SPP2: variants seen among roughly 807,000 people sequenced by gnomAD.
The protein encoded by SPP2 is secreted phosphoprotein 2.
In SPP2, 34 loss-of-function variants were observed where a neutral mutation model predicts 28.8. That is an observed-to-expected ratio of 1.18 (90% confidence interval 0.90 to 1.57). The LOEUF (loss-of-function observed/expected upper bound fraction) is 1.57. Among genes scored for constraint, SPP2 ranks in the 40% most tolerant of loss-of-function variants. The pLI, the probability that SPP2 is intolerant of heterozygous loss-of-function variation, is 0.00. For missense variants in SPP2, 269 were observed against 263.9 expected, an observed-to-expected ratio of 1.02 and a Z score of -0.13; for synonymous variants, 96 against 89.4, an observed-to-expected ratio of 1.07 and a Z score of -0.42.
rs935582183 is a variant in SPP2 at position 234,053,821 on chromosome 2, A to G, written c.210+2726A>G. Among the ~76,000 whole-genome samples the G allele has an allele frequency of 7.3e-5, 11 of 151,298 alleles. No homozygotes were observed. In the East Asian group the frequency reaches 2.2e-3, roughly 30 times the overall value. ...GAAAGGAAAGGTGGGCATTGGCCCT[A>G]TGCTGGGCCCTATGCTGGGGAGGGG... On this transcript the variant is annotated intron_variant, in intron 2 of 7. Coordinates refer to ENST00000168148, the MANE Select transcript of SPP2 (RefSeq NM_006944.3).
intron 1 of SPP2, 35 bp downstream of exon 1, chr2:234,050,906 A>G: frequency 6.2e-7 from 1 of 1,614,010 alleles, no homozygotes; most frequent in Non-Finnish European, 8.5e-7. Context: ...CCTGCTCTGG[A>G]TCATGCAGAG....
At chr2:234,052,143 C>CT (rs368594043) in intron 2 of SPP2, among the ~76,000 whole-genome samples, 1 of 151,904 alleles carries the variant, frequency 6.6e-6, no homozygotes, top group African/African-American at 2.4e-5. Flanking sequence ...ATGGGCTATG[C>CT]TTTTTTTTAG....
In SPP2 at chr2:234,050,853, A is replaced by G; in HGVS notation, c.67A>G (p.Asn23Asp). Residue 23 changes from asparagine (N) to aspartate (D), a missense_variant, in exon 1 of 8, where the codon AAC becomes GAC. Asn to Asp is a conservative substitution (Grantham distance 23, BLOSUM62 1). Coordinates refer to ENST00000168148, the MANE Select transcript of SPP2 (RefSeq NM_006944.3). Reference protein sequence around the residue: ...KILIMFALGMNYWSCSGFPVY... With the variant: ...KILIMFALGMDYWSCSGFPVY... ...ATTGATTATGTTTGCTCTTGGAATG[A>G]ACTACTGGTCTTGCTCAGGTAAGGT... is the stretch of plus-strand genomic sequence containing the variant. 1 of 1,614,048 alleles carries G rather than the reference A, an allele frequency of 6.2e-7. No individual in the cohort carries two copies. Among genetic ancestry groups the G allele is most frequent in the African/African-American group, 1.3e-5 (1 of 75,044 alleles).
chr2:234,057,928 G>A (rs1042620401), intron 2 of SPP2, among the ~76,000 whole-genome samples: 4 of 152,180 alleles, frequency 2.6e-5, no homozygotes, highest in Admixed American at 1.3e-4. Context: ...CTTCTTACTT[G>A]TAGTAGTTAT....
chr2:234,064,059 C>T (rs1335562097), intron 4 of SPP2, among the ~76,000 whole-genome samples: 1 of 152,136 alleles, frequency 6.6e-6, no homozygotes, highest in African/African-American at 2.4e-5. Flanking sequence ...GACTTAGAGT[C>T]CTTCAGTCCT....
At chr2:234,060,348 T>A (rs752180018) in intron 3 of SPP2, 21 bp from the exon 4 acceptor site, 2 of 1,571,862 alleles carry the variant, frequency 1.3e-6, no homozygotes, top group Non-Finnish European at 1.8e-6. Context: ...AAGAGAGAAC[T>A]CACCCCTTTG....
chr2:234,050,910 T>C lies in SPP2; in HGVS notation c.85+39T>C, dbSNP rs532722439. On this transcript the variant is annotated intron_variant, in intron 1 of 7. Transcript: ENST00000168148. ...CAACCTGGCCACCTGCTCTGGATCATGCAGAGCCATGCTGGCGCCTGTGTC... is the reference window on the plus strand; with the variant it reads ...CAACCTGGCCACCTGCTCTGGATCACGCAGAGCCATGCTGGCGCCTGTGTC... The C allele has an allele frequency of 3.1e-6, 5 of 1,614,046 alleles. No homozygotes were observed. The South Asian group carries it at 3.3e-5, about 11-fold the overall frequency.
At chr2:234,066,267 C>T (rs1050406233) in intron 4 of SPP2, among the ~76,000 whole-genome samples, 11 of 152,236 alleles carry the variant, frequency 7.2e-5, no homozygotes, top group Non-Finnish European at 1.0e-4. Context: ...TTCTGGAAGC[C>T]GGCAATGTTT....
At chr2:234,063,416 T>C (rs1196488533) in intron 4 of SPP2, among the ~76,000 whole-genome samples, 1 of 152,150 alleles carries the variant, frequency 6.6e-6, no homozygotes, top group Non-Finnish European at 1.5e-5. Flanking sequence ...TAATAAGGAC[T>C]TAGAGTAAGT....
At chr2:234,068,431 C>T (rs941880444) in intron 6 of SPP2, among the ~76,000 whole-genome samples, 6 of 152,158 alleles carry the variant, frequency 3.9e-5, no homozygotes, top group African/African-American at 1.2e-4. Context: ...AGAAGAACTG[C>T]GAAATCCACC....
chr2:234,060,247 C>T (rs770621799), intron 3 of SPP2, 122 bp from the exon 4 acceptor site: 7 of 668,520 alleles, frequency 1.0e-5, no homozygotes, highest in East Asian at 2.7e-5. Flanking sequence ...AATAAAATGC[C>T]TCTGTGAAGT....
intron 4 of SPP2, among the ~76,000 whole-genome samples, chr2:234,062,154 G>A (rs868223469): frequency 1.3e-5 from 2 of 151,956 alleles, no homozygotes; most frequent in Admixed American, 6.6e-5. Context: ...TTATAGACAC[G>A]TCTTGGGGAA....
chr2:234,069,009 G>A (rs2125468943), intron 6 of SPP2, among the ~76,000 whole-genome samples: 1 of 152,250 alleles, frequency 6.6e-6, no homozygotes, highest in East Asian at 1.9e-4. Flanking sequence ...GATCTCATCT[G>A]AAGCTTGACT....
intron 7 of SPP2, among the ~76,000 whole-genome samples, chr2:234,072,055 C>A (rs574867034): frequency 2.3e-3 from 355 of 152,314 alleles, no homozygotes; most frequent in Non-Finnish European, 4.0e-3. Flanking sequence ...TGCACACAGC[C>A]CAGCACACTC....
intron 5 of SPP2, among the ~76,000 whole-genome samples, chr2:234,066,878 T>C (rs1693832810): frequency 6.6e-6 from 1 of 152,244 alleles, no homozygotes; most frequent in African/African-American, 2.4e-5. Flanking sequence ...AGTGTTGGTT[T>C]TCCCCTTAAG....
chr2:234,067,144 T>C, intron 5 of SPP2, 80 bp from the exon 6 acceptor site: 1 of 1,293,754 alleles, frequency 7.7e-7, no homozygotes, highest in Non-Finnish European at 1.1e-6. Context: ...AGAAGCATAT[T>C]TGTGGCATTA....
chr2:234,057,227 G>A (rs1574824749), intron 2 of SPP2, among the ~76,000 whole-genome samples: 1 of 152,042 alleles, frequency 6.6e-6, no homozygotes, highest in African/African-American at 2.4e-5. Flanking sequence ...ATAGCATCTC[G>A]CTGCAGTGAG....
rs1690759691 is a variant in SPP2, at chr2:234,070,886, AT to A, written c.*10+866del. Among the ~76,000 whole-genome samples the A allele has an allele frequency of 2.6e-5, 4 of 152,102 alleles. No homozygotes were observed. In the South Asian group the frequency reaches 8.3e-4, roughly 32 times the overall value. ...CTTTAACTATCAATGATGCATAATT[AT>A]TTCCAAACACATGTCTCTTACCACA... On this transcript the variant is annotated intron_variant, in intron 7 of 7. Coordinates refer to ENST00000168148, the MANE Select transcript of SPP2 (RefSeq NM_006944.3).
rs1030951873 is a variant in SPP2 at position 234,050,777 on chromosome 2, G to T, written c.-10G>T. The T allele has an allele frequency of 5.0e-6, 8 of 1,612,800 alleles. No homozygotes were observed. Among genetic ancestry groups the T allele is most frequent in the Admixed American group, 1.7e-5 (1 of 59,986 alleles). On this transcript the variant is annotated 5_prime_UTR_variant, in exon 1 of 8. Coordinates refer to ENST00000168148, the MANE Select transcript of SPP2 (RefSeq NM_006944.3). ...CATAGAGAGACACTCTCTGTCTCTC[G>T]ATTACAATCATGATTTCCAGAATGG...
Sources: gnomAD v4.1 joint callset for allele counts (sites outside exome capture counted in the v4.1 genomes callset) on GRCh38, gnomAD v4.1.1 for gene constraint, MANE v1.5 for transcripts, NCBI Gene and HGNC (gene_info 2026-07-23, HGNC 2026-07-21) for gene names.